Variants in ACO1 observed in about 807,000 individuals in gnomAD.
ACO1 encodes the protein cytoplasmic aconitate hydratase.
A neutral mutation model predicts 105.1 loss-of-function variants in ACO1; 78 were observed. The ratio of observed to expected loss-of-function variants is 0.74; its 90% CI spans 0.62 to 0.90. The LOEUF is 0.90. Among genes scored for constraint, ACO1 ranks in the 40% least tolerant of loss-of-function variants. The probability of loss-of-function intolerance (pLI) is 0.00; values close to 1 mark genes in which losing one functional copy is unlikely to be tolerated. For missense variants in ACO1, 965 were observed against 1,111.1 expected, an observed-to-expected ratio of 0.87 and a Z score of 1.87; for synonymous variants, 364 against 397.4, an observed-to-expected ratio of 0.92 and a Z score of 1.00.
chr9:32,408,666 C>T lies in ACO1; in HGVS notation c.404+15C>T, dbSNP rs376285476. On this transcript the variant is annotated intron_variant, in intron 4 of 20. Transcript: ENST00000309951. Reference sequence around the variant, plus strand: ...TTCAACAGAAGGTGAGAGATTAAAACGAATACCTGAGTGTTCTGCTTTGTG... The same window carrying T: ...TTCAACAGAAGGTGAGAGATTAAAATGAATACCTGAGTGTTCTGCTTTGTG... 30 of 1,613,316 alleles carry T rather than the reference C, an allele frequency of 1.9e-5. No homozygotes were observed. The highest frequency in any genetic ancestry group is 8.3e-5 in the Admixed American group (5 of 59,946).
At position 32,418,527 on chromosome 9, in the gene ACO1, T is replaced by G. The variant is rs764759386; in HGVS notation, c.658+16T>G. ...CTTGGTTGGGGTGAGTGTTCTTCCA[T>G]ATATGCTGTTTTGGGGCATGCACTT... On this transcript the variant is annotated intron_variant, in intron 6 of 20. Transcript: ENST00000309951. 6.2e-7 allele frequency: 1 copy of G among 1,604,110 alleles called. No homozygotes were observed. Among genetic ancestry groups the G allele is most frequent in the Non-Finnish European group, 8.5e-7 (1 of 1,172,948 alleles).
chr9:32,399,393 A>G (rs954083196), intron 1 of ACO1, among the ~76,000 whole-genome samples: 3 of 152,204 alleles, frequency 2.0e-5, no homozygotes, highest in African/African-American at 7.2e-5. Flanking sequence ...TGGCTTTTTA[A>G]TGTCTCAACT....
At chr9:32,405,432 C>T (rs1821588198) in intron 1 of ACO1, 53 bp from the exon 2 acceptor site, 1 of 1,079,496 alleles carries the variant, frequency 9.3e-7, no homozygotes, top group Non-Finnish European at 1.4e-6. Flanking sequence ...GTCCTGATTT[C>T]TAGGTCCCAG....
At position 32,434,555 on chromosome 9, in the gene ACO1, C is replaced by G; in HGVS notation, c.1957-4C>G. The G allele has an allele frequency of 6.2e-7, 1 of 1,613,948 alleles. No individual in the cohort carries two copies. Among genetic ancestry groups the G allele is most frequent in the Non-Finnish European group, 8.5e-7 (1 of 1,179,910 alleles). ...CAATGCTGACTTTTTGTATTCTTTG[C>G]TAGACTTTGGATCTTCAGCCCCCTA... On this transcript the variant is annotated splice_region_variant and splice_polypyrimidine_tract_variant and intron_variant, in intron 16 of 20. Coordinates refer to ENST00000309951, the MANE Select transcript of ACO1 (RefSeq NM_002197.3).
rs745520185 is a variant in ACO1, at chr9:32,453,471, C to G, written c.*3360C>G. ...TCCATTTGCCCCTCCAACCACCCCC[C>G]CATCCCTCCACCAATCATACCTTCT... On this transcript the variant is annotated 3_prime_UTR_variant, in exon 21 of 21. Coordinates refer to ENST00000309951, the MANE Select transcript of ACO1 (RefSeq NM_002197.3). The G allele has an allele frequency of 6.6e-6, 1 of 152,188 alleles. No individual in the cohort carries two copies. Among genetic ancestry groups the G allele is most frequent in the Non-Finnish European group, 1.5e-5 (1 of 68,106 alleles). 9.4% of individuals were successfully genotyped at this position (152,188 alleles called of 1,614,324 possible).
At chr9:32,420,366 TAGAGAA>T (rs1250978375) in intron 7 of ACO1, among the ~76,000 whole-genome samples, 2 of 152,368 alleles carry the variant, frequency 1.3e-5, no homozygotes, top group East Asian at 1.9e-4. Context: ...ATGATCTCAT[TAGAGAA>T]AGAGAATGTT....
rs1822421903 is a variant in ACO1 at position 32,439,003 on chromosome 9, C to T, written c.2248-1462C>T. On this transcript the variant is annotated intron_variant, in intron 18 of 20. Transcript: ENST00000309951. The surrounding 1 kb of genome is among the most constrained non-coding windows in gnomAD (Gnocchi z 4.0). ...AAATGCTATGTTCTCTTTAGAAGAG[C>T]GTAAGAGTGCAGGGAGCTGTTGCTT... Among the ~76,000 whole-genome samples, 1 of 152,168 alleles carries T rather than the reference C, an allele frequency of 6.6e-6. No homozygotes were observed. The highest frequency in any genetic ancestry group is 1.9e-4 in the East Asian group (1 of 5,198).
At chr9:32,417,760 A>C (rs1821881790) in intron 4 of ACO1, among the ~76,000 whole-genome samples, 1 of 152,214 alleles carries the variant, frequency 6.6e-6, no homozygotes, top group African/African-American at 2.4e-5. Context: ...TAATGAGGTC[A>C]TGGATGAGGA....
rs148011707 is a variant in ACO1, at chr9:32,427,927, G to C, written c.1484+491G>C. Among the ~76,000 whole-genome samples, 29 of 152,132 alleles carry C rather than the reference G, an allele frequency of 1.9e-4. No individual in the cohort carries two copies. The East Asian group carries it at 2.1e-3, about 11-fold the overall frequency. ...TTTTCTTTATATCTTTATTTCATAA[G>C]TTTTTTCCTATTTTTGAAGTTTTTA... On this transcript the variant is annotated intron_variant, in intron 12 of 20. Transcript: ENST00000309951.
chr9:32,398,489 G>A (rs959208004), intron 1 of ACO1, among the ~76,000 whole-genome samples: 2 of 152,004 alleles, frequency 1.3e-5, no homozygotes, highest in African/African-American at 4.8e-5. Context: ...GCTATGTGCA[G>A]TCTCCCTCAC....
At chr9:32,416,214 C>T (rs1821845180) in intron 4 of ACO1, among the ~76,000 whole-genome samples, 1 of 151,786 alleles carries the variant, frequency 6.6e-6, no homozygotes, top group Non-Finnish European at 1.5e-5. Flanking sequence ...CCTGCCTCAG[C>T]CTCTCGAGTA....
chr9:32,414,780 T>TA, intron 4 of ACO1, among the ~76,000 whole-genome samples: 1 of 152,274 alleles, frequency 6.6e-6, no homozygotes, highest in Non-Finnish European at 1.5e-5. Flanking sequence ...ATCTTACCTG[T>TA]AGTGGTAGAA....
intron 1 of ACO1, among the ~76,000 whole-genome samples, chr9:32,391,202 A>G (rs1198397361): frequency 6.6e-6 from 1 of 152,202 alleles, no homozygotes; most frequent in African/African-American, 2.4e-5. Flanking sequence ...GCAGACAGAC[A>G]TTGTTACCTA....
Position 32,432,379 on chromosome 9 carries a change from C to T in ACO1, c.1851+536C>T, listed in dbSNP as rs143073213. 5.5e-3 allele frequency among the ~76,000 whole-genome samples: 835 copies of T among 152,280 alleles called. 7 individuals are homozygous for T. Among genetic ancestry groups the T allele is most frequent in the African/African-American group, 0.018 (737 of 41,550 alleles). On this transcript the variant is annotated intron_variant, in intron 15 of 20. Transcript: ENST00000309951. ...GACTCTTGGATATTATTCCTTTCCCCGCCTTCTGCATTCAGCTGACCCAAG... is the reference window on the plus strand; with the variant it reads ...GACTCTTGGATATTATTCCTTTCCCTGCCTTCTGCATTCAGCTGACCCAAG...
intron 20 of ACO1, 58 bp from the exon 21 acceptor site, chr9:32,449,940 C>T (rs889333174): frequency 8.3e-5 from 118 of 1,421,616 alleles, no homozygotes; most frequent in Non-Finnish European, 1.1e-4. Context: ...AGAATTTCCT[C>T]CGAGCAGAGC....
intron 1 of ACO1, among the ~76,000 whole-genome samples, chr9:32,385,600 T>A (rs1237215439): frequency 6.6e-6 from 1 of 152,212 alleles, no homozygotes; most frequent in African/African-American, 2.4e-5. Context: ...CAGAAAATGA[T>A]TGAGAAGAGT....
At chr9:32,437,976 T>G (rs2118546204) in intron 18 of ACO1, among the ~76,000 whole-genome samples, 2 of 151,856 alleles carry the variant, frequency 1.3e-5, no homozygotes, top group Middle Eastern at 3.4e-3. Context: ...GGAAATTATT[T>G]CAAAACAAAA....
Position 32,450,242 on chromosome 9 carries a change from G to A in ACO1, c.*131G>A, listed in dbSNP as rs1822732282. 2 of 774,092 alleles carry A rather than the reference G, an allele frequency of 2.6e-6. No homozygotes were observed. Among genetic ancestry groups the A allele is most frequent in the Admixed American group, 1.8e-5 (1 of 54,578 alleles). The allele number at this position is 774,092 out of a possible 1,614,324, so 48.0% of individuals were successfully genotyped here. ...GTAGATGGAGCAAGTGAGCACTGAG[G>A]GTCTGGTGCCAATCCTGTAGGCACA... On this transcript the variant is annotated 3_prime_UTR_variant, in exon 21 of 21. Transcript: ENST00000309951.
rs963039106 is a variant in ACO1 at position 32,453,180 on chromosome 9, C to T, written c.*3069C>T. ...TCCAAATTCATTACTGCATTCCTGG[C>T]ATCCGCAGCAAGCTAAGAGTTAGTT... is the stretch of plus-strand genomic sequence containing the variant. On this transcript the variant is annotated 3_prime_UTR_variant, in exon 21 of 21. Transcript: ENST00000309951. The T allele has an allele frequency of 6.6e-6, 1 of 152,034 alleles. No homozygotes were observed. Among genetic ancestry groups the T allele is most frequent in the Non-Finnish European group, 1.5e-5 (1 of 68,022 alleles). 9.4% of individuals were successfully genotyped at this position (152,034 alleles called of 1,614,324 possible). A position where few individuals can be genotyped will look rare whatever the true frequency, so the allele number is the denominator to read the frequency against.
Sources: allele counts gnomAD v4.1 joint callset (sites outside exome capture counted in the v4.1 genomes callset), GRCh38; gene constraint gnomAD v4.1.1; non-coding constraint Gnocchi (gnomAD v3.1); transcripts MANE v1.5; gene names NCBI Gene and HGNC (gene_info 2026-07-23, HGNC 2026-07-21).